Variants in PCDHGB1 observed in about 807,000 individuals in gnomAD.
PCDHGB1 encodes protocadherin gamma-B1.
A neutral mutation model predicts 56.6 loss-of-function variants in PCDHGB1; 34 were observed. The ratio of observed to expected loss-of-function variants is 0.60; its 90% CI spans 0.46 to 0.80. The LOEUF (loss-of-function observed/expected upper bound fraction) is 0.80. PCDHGB1 is among the 30% of genes least tolerant of loss of function. The pLI, the probability that PCDHGB1 is intolerant of heterozygous loss-of-function variation, is 0.00. For synonymous variants in PCDHGB1, 561 were observed against 505.9 expected (o/e 1.11, Z -1.46); for missense variants, 1,278 against 1,204.6 (o/e 1.06, Z -0.90).
Position 141,352,289 on chromosome 5 carries a change from C to T in PCDHGB1, c.2029C>T (p.Pro677Ser), listed in dbSNP as rs1758969682. 3.1e-6 allele frequency: 5 copies of T among 1,614,082 alleles called. No individual in the cohort carries two copies. The East Asian group carries it at 1.1e-4, about 36-fold the overall frequency. ...VLPDLSDRPE[P>S]SDPQTELQFY... ...GCCAGACCTCAGCGACCGCCCTGAG[C>T]CCTCTGACCCCCAGACGGAACTGCA... The change falls in exon 1 of 4, where the codon CCC becomes TCC. Residue 677 changes from proline to serine, a missense_variant. Coordinates refer to ENST00000523390, the MANE Select transcript of PCDHGB1 (RefSeq NM_018922.3).
Position 141,432,028 on chromosome 5 carries a change from C to T in PCDHGB1, c.2410-62779C>T, listed in dbSNP as rs776543767. ...TTCCTAGCTACAACATCACAGTGAC[C>T]GCCACTGACCGGGGAACCCCGCCCC... On this transcript the variant is annotated intron_variant, in intron 1 of 3. Coordinates refer to ENST00000523390, the MANE Select transcript of PCDHGB1 (RefSeq NM_018922.3). The surrounding 1 kb of genome is among the most constrained non-coding windows in gnomAD (Gnocchi z 6.0). The T allele has an allele frequency of 1.1e-5, 18 of 1,614,050 alleles. No individual in the cohort carries two copies. The highest frequency in any genetic ancestry group is 9.9e-5 in the South Asian group (9 of 91,090).
At position 141,351,929 on chromosome 5, in the gene PCDHGB1, C is replaced by T; in HGVS notation, c.1669C>T (p.Arg557Trp). 1.2e-6 allele frequency: 2 copies of T among 1,613,302 alleles called. No homozygotes were observed. Among genetic ancestry groups the T allele is most frequent in the East Asian group, 2.2e-5 (1 of 44,860 alleles). Residue 557 changes from arginine to tryptophan, a missense_variant, in exon 1 of 4, where the codon CGG becomes TGG. Coordinates refer to ENST00000523390, the MANE Select transcript of PCDHGB1 (RefSeq NM_018922.3). ...LVGDLNDNAP[R>W]VLYPALGPDG... Reference sequence around the variant, plus strand: ...GGGCGACCTCAATGACAATGCGCCACGGGTGCTGTACCCCGCGCTGGGGCC... The same window carrying T: ...GGGCGACCTCAATGACAATGCGCCATGGGTGCTGTACCCCGCGCTGGGGCC...
In PCDHGB1 at chr5:141,489,183, G is replaced by A. The variant is rs2099683673; in HGVS notation, c.2410-5624G>A. 7.9e-7 allele frequency: 1 copy of A among 1,270,400 alleles called. No individual in the cohort carries two copies. Among genetic ancestry groups the A allele is most frequent in the Non-Finnish European group, 1.1e-6 (1 of 913,958 alleles). The allele number at this position is 1,270,400 out of a possible 1,614,324, so 78.7% of individuals were successfully genotyped here. A position where few individuals can be genotyped will look rare whatever the true frequency, so the allele number is the denominator to read the frequency against. ...TTCAGCTGCTGCATTCCAAGCCCTGGGTCTACCTTGGAGACAGGACAGCAC... is the reference window on the plus strand; with the variant it reads ...TTCAGCTGCTGCATTCCAAGCCCTGAGTCTACCTTGGAGACAGGACAGCAC... On this transcript the variant is annotated intron_variant, in intron 1 of 3. Transcript: ENST00000523390. The surrounding 1 kb of genome is among the most constrained non-coding windows in gnomAD (Gnocchi z 4.5).
chr5:141,375,128 G>C (rs372521976), intron 1 of PCDHGB1: 1 of 1,613,780 alleles, frequency 6.2e-7, no homozygotes, highest in Non-Finnish European at 8.5e-7. Flanking sequence ...AGAAGTGGTT[G>C]TTACATCTGG....
intron 1 of PCDHGB1, chr5:141,375,201 A>T (rs1173523858): frequency 6.2e-7 from 1 of 1,614,004 alleles, no homozygotes; most frequent in Non-Finnish European, 8.5e-7. Flanking sequence ...CAAGTGTTCG[A>T]TCGAGACTCT....
At chr5:141,399,279 C>T (rs370090713) in intron 1 of PCDHGB1, 76 of 1,613,576 alleles carry the variant, frequency 4.7e-5, no homozygotes, top group Non-Finnish European at 5.0e-5. Flanking sequence ...AATTACAAGG[C>T]GAAGTCCCTT....
intron 2 of PCDHGB1, among the ~76,000 whole-genome samples, chr5:141,499,022 A>C (rs1244590420): frequency 2.7e-5 from 4 of 150,722 alleles, no homozygotes; most frequent in Admixed American, 2.0e-4. Context: ...GGAAGGAAGG[A>C]AGGAAGAAAA....
At chr5:141,507,442 C>T (rs748782097) in intron 3 of PCDHGB1, among the ~76,000 whole-genome samples, 1 of 152,162 alleles carries the variant, frequency 6.6e-6, no homozygotes, top group African/African-American at 2.4e-5. Flanking sequence ...CTACAGCTGA[C>T]GGAAGGACAG....
chr5:141,510,510 G>C (rs1042950478), intron 3 of PCDHGB1, among the ~76,000 whole-genome samples: 1 of 152,132 alleles, frequency 6.6e-6, no homozygotes, highest in Non-Finnish European at 1.5e-5. Context: ...CTGAGAGCCC[G>C]TGTCACAGCC....
intron 1 of PCDHGB1, chr5:141,440,759 C>T (rs1160288117): frequency 1.3e-5 from 2 of 152,158 alleles, no homozygotes; most frequent in Admixed American, 6.6e-5. Flanking sequence ...AAGCAGAGCT[C>T]CCATCCCTTA....
At position 141,505,629 on chromosome 5, in the gene PCDHGB1, C is replaced by T. The variant is rs1475582931; in HGVS notation, c.2557+148C>T. 7.4e-6 allele frequency: 11 copies of T among 1,482,192 alleles called. No individual in the cohort carries two copies. The African/African-American group carries it at 9.8e-5, about 13-fold the overall frequency. The allele number at this position is 1,482,192 out of a possible 1,614,324, so 91.8% of individuals were successfully genotyped here. ...GTCTGAAAGGACCCACAATTCCAAACATAAAGCCTGGAATTGTGGCTAAGG... is the reference window on the plus strand; with the variant it reads ...GTCTGAAAGGACCCACAATTCCAAATATAAAGCCTGGAATTGTGGCTAAGG... On this transcript the variant is annotated intron_variant, in intron 3 of 3. Coordinates refer to ENST00000523390, the MANE Select transcript of PCDHGB1 (RefSeq NM_018922.3).
chr5:141,430,953 G>A (rs2097330054), intron 1 of PCDHGB1: 1 of 1,611,124 alleles, frequency 6.2e-7, no homozygotes, highest in African/African-American at 1.3e-5. Context: ...CGCGGAGTCC[G>A]CATCATCCCC....
chr5:141,392,542 A>C (rs2092551305), intron 1 of PCDHGB1: 1 of 323,320 alleles, frequency 3.1e-6, no homozygotes, highest in African/African-American at 2.1e-5. Flanking sequence ...ATTTAGAAGT[A>C]ATCTGTATCT....
At chr5:141,423,572 G>A (rs1239529114) in intron 1 of PCDHGB1, 1 of 1,613,510 alleles carries the variant, frequency 6.2e-7, no homozygotes, top group Admixed American at 1.7e-5. Flanking sequence ...ACGCTCATCA[G>A]CCAGGAGAGC....
chr5:141,359,142 A>C (rs903512422), intron 1 of PCDHGB1, among the ~76,000 whole-genome samples: 1 of 152,224 alleles, frequency 6.6e-6, no homozygotes, highest in Non-Finnish European at 1.5e-5. Flanking sequence ...AGTAAGCTGG[A>C]ATATGATATG....
At chr5:141,383,314 A>C (rs1362079173) in intron 1 of PCDHGB1, 4 of 1,613,886 alleles carry the variant, frequency 2.5e-6, no homozygotes, top group Non-Finnish European at 8.5e-7. Flanking sequence ...GGAAGAAATA[A>C]ATGTAAAAAT....
intron 1 of PCDHGB1, chr5:141,393,501 G>A (rs754946327): frequency 1.2e-6 from 2 of 1,614,044 alleles, no homozygotes; most frequent in Non-Finnish European, 1.7e-6. Flanking sequence ...GCGCATCCAC[G>A]TGACAGTGTT....
chr5:141,454,657 CG>C (rs1313292109), intron 1 of PCDHGB1, among the ~76,000 whole-genome samples: 1 of 152,074 alleles, frequency 6.6e-6, no homozygotes, highest in Admixed American at 6.6e-5. Flanking sequence ...CTGCCCACCT[CG>C]GCCTCCCAAA....
intron 1 of PCDHGB1, among the ~76,000 whole-genome samples, chr5:141,484,796 C>A (rs987893041): frequency 1.3e-5 from 2 of 151,304 alleles, no homozygotes; most frequent in African/African-American, 4.9e-5. Flanking sequence ...GATAACAACC[C>A]GTGGAAAAAC....
Sources: allele counts gnomAD v4.1 joint callset (sites outside exome capture counted in the v4.1 genomes callset), GRCh38; gene constraint gnomAD v4.1.1; non-coding constraint Gnocchi (gnomAD v3.1); transcripts MANE v1.5; gene names NCBI Gene and HGNC (gene_info 2026-07-23, HGNC 2026-07-21).